The following TLR5 variants were observed in gnomAD, a reference collection of about 807,000 sequenced individuals.
TLR5 encodes the protein toll like receptor 5, also known as toll-like receptor 5.
For missense variants in TLR5, 944 were observed against 999.8 expected, an observed-to-expected ratio of 0.94 and a Z score of 0.75; for synonymous variants, 373 against 384.4, an observed-to-expected ratio of 0.97 and a Z score of 0.35.
chr1:223,136,280 G>A lies in TLR5; in HGVS notation c.-353+898C>T, dbSNP rs545413468. ...GACTTGCTAGGCAAGACAGGCACAA[G>A]AGTGCCTTCAGTGGTAACCCGAGTG... On this transcript the variant is annotated intron_variant, in intron 3 of 5. Coordinates refer to ENST00000642603, the MANE Select transcript of TLR5 (RefSeq NM_003268.6). Among the ~76,000 whole-genome samples, 220 of 152,362 alleles carry A rather than the reference G, an allele frequency of 1.4e-3. 1 individual carries two copies. Among genetic ancestry groups the A allele is most frequent in the Non-Finnish European group, 2.3e-3 (154 of 68,040 alleles).
In TLR5 at chr1:223,110,813, C is replaced by T. The variant is rs748948212; in HGVS notation, c.2219G>A (p.Arg740His). ...GATGGCATCCTGGATATTGGCAATG[C>T]GGTTTTCTCCTGGGACAAAGTCTCT... ...EERDFVPGEN[R>H]IANIQDAIWN... is the part of the protein sequence containing the mutation. The change falls in exon 6 of 6, where the codon CGC becomes CAC. Residue 740 changes from arginine (R) to histidine (H), a missense_variant. Coordinates refer to ENST00000642603, the MANE Select transcript of TLR5 (RefSeq NM_003268.6). 2.4e-5 allele frequency: 38 copies of T among 1,614,212 alleles called. No homozygotes were observed. The highest frequency in any genetic ancestry group is 1.2e-4 in the South Asian group (11 of 91,082).
intron 2 of TLR5, among the ~76,000 whole-genome samples, chr1:223,140,973 G>A (rs148324823): frequency 3.9e-4 from 60 of 152,324 alleles, no homozygotes; most frequent in African/African-American, 1.3e-3. Context: ...CCCAGAGAGC[G>A]GAAGACACTA....
At position 223,112,240 on chromosome 1, in the gene TLR5, G is replaced by C. The variant is rs527336791; in HGVS notation, c.792C>G (p.Ile264Met). Reference sequence around the variant, plus strand: ...TATGGAAGCCAAACCCGGCACCCATGATGTGGTGGGCAAGAATCAAAGAGA... The same window carrying C: ...TATGGAAGCCAAACCCGGCACCCATCATGTGGTGGGCAAGAATCAAAGAGA... ...QAFSLILAHH[I>M]MGAGFGFHNI... Residue 264 changes from isoleucine to methionine, a missense_variant, in exon 6 of 6, where the codon ATC (isoleucine) becomes ATG (methionine). Coordinates refer to ENST00000642603, the MANE Select transcript of TLR5 (RefSeq NM_003268.6). 2.5e-6 allele frequency: 4 copies of C among 1,614,208 alleles called. No individual in the cohort carries two copies. In the African/African-American group the frequency reaches 5.3e-5, roughly 22 times the overall value.
chr1:223,128,062 G>C (rs191385049), intron 5 of TLR5: 1 of 152,246 alleles, frequency 6.6e-6, no homozygotes, highest in South Asian at 2.1e-4. Flanking sequence ...CTAGAGTCTG[G>C]AGGGAGGACA....
intron 5 of TLR5, among the ~76,000 whole-genome samples, chr1:223,121,662 G>A (rs972435868): frequency 2.6e-5 from 4 of 152,152 alleles, no homozygotes; most frequent in African/African-American, 9.7e-5. Context: ...GGGACCACAG[G>A]TGCATACCAC....
At chr1:223,116,885 G>A (rs1656682485) in intron 5 of TLR5, among the ~76,000 whole-genome samples, 1 of 152,346 alleles carries the variant, frequency 6.6e-6, no homozygotes, top group East Asian at 1.9e-4. Context: ...TGACTCAGGA[G>A]CCCAGCTGGC....
rs771194285 is a variant in TLR5 at position 223,112,026 on chromosome 1, C to T, written c.1006G>A (p.Asp336Asn). ...KIADEAFYGLDNLQVLNLSYN... is the reference protein window; with the variant it reads ...KIADEAFYGLNNLQVLNLSYN... ...GACAAATTGAGAACTTGGAGGTTGT[C>T]AAGTCCGTAAAATGCTTCATCTGCA... The change falls in exon 6 of 6, where the codon GAC becomes AAC. Residue 336 changes from aspartate (D) to asparagine (N), a missense_variant. Asp to Asn is a conservative substitution (Grantham distance 23). Transcript: ENST00000642603. 3 of 1,614,162 alleles carry T rather than the reference C, an allele frequency of 1.9e-6. No individual in the cohort carries two copies. The highest frequency in any genetic ancestry group is 3.3e-5 in the Admixed American group (2 of 60,028).
At chr1:223,138,205 C>G (rs971873718) in intron 2 of TLR5, among the ~76,000 whole-genome samples, 3 of 147,212 alleles carry the variant, frequency 2.0e-5, no homozygotes, top group Non-Finnish European at 4.6e-5. Context: ...TCAAACAATC[C>G]TCCTACCTTG....
chr1:223,113,600 T>TA (rs944776483), intron 5 of TLR5, among the ~76,000 whole-genome samples: 1 of 152,012 alleles, frequency 6.6e-6, no homozygotes, highest in Non-Finnish European at 1.5e-5. Flanking sequence ...TCTTTTCTTT[T>TA]AAAAAAATTT....
intron 2 of TLR5, among the ~76,000 whole-genome samples, chr1:223,140,350 C>T (rs1640822): frequency 0.016 from 2,468 of 152,158 alleles, 66 homozygotes; most frequent in African/African-American, 0.057. Flanking sequence ...AGTTCGAGAC[C>T]AGCCTGGCCA....
chr1:223,119,739 C>T lies in TLR5; in HGVS notation c.-4-6704G>A, dbSNP rs185284655. Among the ~76,000 whole-genome samples the T allele has an allele frequency of 5.9e-3, 893 of 151,748 alleles. 3 individuals carry two copies. Among genetic ancestry groups the T allele is most frequent in the South Asian group, 0.02 (98 of 4,808 alleles). On this transcript the variant is annotated intron_variant, in intron 5 of 5. Transcript: ENST00000642603. Reference sequence around the variant, plus strand: ...CTTTGGGAGGCCAAGGTGGGCAGATCATCTGAGGTCAGGAGTTCAAGACCA... The same window carrying T: ...CTTTGGGAGGCCAAGGTGGGCAGATTATCTGAGGTCAGGAGTTCAAGACCA...
intron 5 of TLR5, among the ~76,000 whole-genome samples, chr1:223,117,722 A>T (rs1364814842): frequency 6.6e-6 from 1 of 152,272 alleles, no homozygotes; most frequent in South Asian, 2.1e-4. Flanking sequence ...GTGGCTCTTG[A>T]TGGGGACAGC....
At chr1:223,128,054 AGAG>A (rs1657243263) in intron 5 of TLR5, 1 of 152,266 alleles carries the variant, frequency 6.6e-6, no homozygotes. Flanking sequence ...CCATGAGGCT[AGAG>A]TCTGGAGGGA....
At chr1:223,142,326 G>A (rs1381854415) in intron 1 of TLR5, among the ~76,000 whole-genome samples, 1 of 152,204 alleles carries the variant, frequency 6.6e-6, no homozygotes, top group Non-Finnish European at 1.5e-5. Context: ...CTCAGCAACA[G>A]TATCTGAAGG....
chr1:223,114,391 T>C (rs966338744), intron 5 of TLR5, among the ~76,000 whole-genome samples: 7 of 152,108 alleles, frequency 4.6e-5, no homozygotes, highest in African/African-American at 1.7e-4. Context: ...TTAAATGTAA[T>C]GAAAGGCCTC....
At chr1:223,116,620 G>A (rs998300900) in intron 5 of TLR5, among the ~76,000 whole-genome samples, 12 of 152,196 alleles carry the variant, frequency 7.9e-5, no homozygotes, top group African/African-American at 2.6e-4. Flanking sequence ...GCTGGCCGCC[G>A]CAGCCTGCTT....
At position 223,112,464 on chromosome 1, in the gene TLR5, G is replaced by A; in HGVS notation, c.568C>T (p.Leu190Phe). The A allele has an allele frequency of 6.2e-7, 1 of 1,614,236 alleles. No homozygotes were observed. The highest frequency in any genetic ancestry group is 1.7e-5 in the Admixed American group (1 of 60,030). Residue 190 changes from leucine (L) to phenylalanine (F), a missense_variant, in exon 6 of 6, where the codon CTC becomes TTC. Physicochemically the swap from Leu to Phe is conservative, Grantham distance 22. Coordinates refer to ENST00000642603, the MANE Select transcript of TLR5 (RefSeq NM_003268.6). ...AGCGTTTTCCCTTGTAGGGGCTCGA[G>A]CTCATGTTCACATACAAGGAATATT... ...NQIFLVCEHE[L>F]EPLQGKTLSF...
At chr1:223,140,280 C>T (rs5744115) in intron 2 of TLR5, among the ~76,000 whole-genome samples, 4,879 of 152,230 alleles carry the variant, frequency 0.032, 119 homozygotes, top group Non-Finnish European at 0.049. Context: ...GGTGTGGTGG[C>T]TCACGCCTGT....
At chr1:223,138,882 C>A (rs1657727020) in intron 2 of TLR5, among the ~76,000 whole-genome samples, 1 of 152,202 alleles carries the variant, frequency 6.6e-6, no homozygotes, top group African/African-American at 2.4e-5. Flanking sequence ...GAGGGAGGAA[C>A]CCAGTGGGAG....
Sources: gnomAD v4.1 joint callset for allele counts (sites outside exome capture counted in the v4.1 genomes callset) on GRCh38, gnomAD v4.1.1 for gene constraint, MANE v1.5 for transcripts, NCBI Gene and HGNC (gene_info 2026-07-23, HGNC 2026-07-21) for gene names.